Variants in KLK10 observed in about 807,000 individuals in gnomAD.
The protein encoded by KLK10 is kallikrein-10.
KLK10 carries 27 observed loss-of-function variants against 25.7 expected under a neutral mutation model. That is an observed-to-expected ratio of 1.05 (90% CI 0.77 to 1.45). The LOEUF is 1.45. KLK10 is among the 40% of genes most tolerant of loss of function. The pLI is 0.00. For missense variants in KLK10, 386 were observed against 370.0 expected, an observed-to-expected ratio of 1.04 and a Z score of -0.35; for synonymous variants, 173 against 160.1, an observed-to-expected ratio of 1.08 and a Z score of -0.61.
chr19:51,016,912 C>T (rs574504987), intron 3 of KLK10, among the ~76,000 whole-genome samples, 198 bp downstream of exon 3: 7 of 152,212 alleles, frequency 4.6e-5, no homozygotes, highest in East Asian at 1.9e-4. Flanking sequence ...AGAGGAGTGA[C>T]GGGCCCAGAA....
Position 51,014,790 on chromosome 19 carries a change from AGCATCTGGATCAGTTGGAGCG to A in KLK10, c.820_*9del. The stretch of plus-strand genomic sequence containing the variant: ...ATAACATCTGGATCAGCTGGAGCGT[AGCATCTGGATCAGTTGGAGCG>A]TATGACTTTATTGATCCAGGACATG... On this transcript the variant is annotated stop_lost and 3_prime_UTR_variant, in exon 6 of 6. Coordinates refer to ENST00000358789, the MANE Select transcript of KLK10 (RefSeq NM_145888.3). 1 of 1,575,454 alleles carries A rather than the reference AGCATCTGGATCAGTTGGAGCG, an allele frequency of 6.3e-7. No individual in the cohort carries two copies. The highest frequency in any genetic ancestry group is 1.1e-5 in the South Asian group (1 of 87,306).
chr19:51,015,861 C>T, intron 4 of KLK10, 21 bp downstream of exon 4: 1 of 1,502,528 alleles, frequency 6.7e-7, no homozygotes, highest in Non-Finnish European at 8.9e-7. Flanking sequence ...GAGGTTCCGG[C>T]CTCAGAGCCC....
rs35154267 is a variant in KLK10, at chr19:51,018,164, C to CAAAA, written c.88+875_89-875dup. Among the ~76,000 whole-genome samples the CAAAA allele has an allele frequency of 2.9e-3, 106 of 36,432 alleles. 1 individual carries two copies. Among genetic ancestry groups the CAAAA allele is most frequent in the African/African-American group, 7.6e-3 (55 of 7,240 alleles). The allele number at this position is 36,432 out of a possible 152,430, so 23.9% of individuals were successfully genotyped here. A position where few individuals can be genotyped will look rare whatever the true frequency, so the allele number is the denominator to read the frequency against. On this transcript the variant is annotated intron_variant, in intron 2 of 5. Coordinates refer to ENST00000358789, the MANE Select transcript of KLK10 (RefSeq NM_145888.3). Reference sequence around the variant, plus strand: ...ACGGAGACAGAGCACTGCCCTGTCTCAAAAAAAAAAAAAAAAAAAAAAGAA... The same window carrying CAAAA: ...ACGGAGACAGAGCACTGCCCTGTCTCAAAAAAAAAAAAAAAAAAAAAAAAAAGAA...
chr19:51,014,618 T>C lies in KLK10; in HGVS notation c.*182A>G. Reference sequence around the variant, plus strand: ...CTTCAGTACAGGCAGAGAATGGGGATAGGTGGGGGAATGAGGTGAGAGGGG... The same window carrying C: ...CTTCAGTACAGGCAGAGAATGGGGACAGGTGGGGGAATGAGGTGAGAGGGG... On this transcript the variant is annotated 3_prime_UTR_variant, in exon 6 of 6. Coordinates refer to ENST00000358789, the MANE Select transcript of KLK10 (RefSeq NM_145888.3). 1 of 529,514 alleles carries C rather than the reference T, an allele frequency of 1.9e-6. No homozygotes were observed. The allele number at this position is 529,514 out of a possible 1,614,324, so 32.8% of individuals were successfully genotyped here.
At chr19:51,015,783 C>A (rs2091318197) in intron 4 of KLK10, 99 bp downstream of exon 4, 6 of 1,280,794 alleles carry the variant, frequency 4.7e-6, no homozygotes, top group African/African-American at 1.5e-5. Flanking sequence ...TCCCTCAGAT[C>A]CAGGAATCCA....
chr19:51,016,811 C>G (rs771163701), intron 3 of KLK10, among the ~76,000 whole-genome samples: 1 of 152,094 alleles, frequency 6.6e-6, no homozygotes, highest in Non-Finnish European at 1.5e-5. Context: ...GAACCTTTTC[C>G]TTTAGTTCTA....
At position 51,016,136 on chromosome 19, in the gene KLK10, C is replaced by A; in HGVS notation, c.290G>T (p.Gly97Val). 1 of 1,585,522 alleles carries A rather than the reference C, an allele frequency of 6.3e-7. No homozygotes were observed. Among genetic ancestry groups the A allele is most frequent in the Non-Finnish European group, 8.6e-7 (1 of 1,165,918 alleles). Reference protein sequence around the residue: ...CGNKPLWARVGDDHLLLLQGE... With the variant: ...CGNKPLWARVVDDHLLLLQGE... ...CTGAAGAAGCAGCAGGTGGTCATCCCCTACTCGAGCCCACAGTGGCCTGGG... is the reference window on the plus strand; with the variant it reads ...CTGAAGAAGCAGCAGGTGGTCATCCACTACTCGAGCCCACAGTGGCCTGGG... Residue 97 changes from glycine (G) to valine (V), a missense_variant, in exon 4 of 6, where the codon GGG becomes GTG. Transcript: ENST00000358789.
At chr19:51,018,985 C>A in intron 2 of KLK10, 58 bp downstream of exon 2, 1 of 1,259,612 alleles carries the variant, frequency 7.9e-7, no homozygotes, top group Admixed American at 2.0e-5. Flanking sequence ...GGAACACATT[C>A]TCCTCCCGCC....
At chr19:51,017,372 T>G in intron 2 of KLK10, 82 bp from the exon 3 acceptor site, 1 of 1,308,998 alleles carries the variant, frequency 7.6e-7, no homozygotes, top group Non-Finnish European at 1.0e-6. Flanking sequence ...GGCACTGGAC[T>G]GCGTTCGGGG....
In KLK10 at chr19:51,019,090, G is replaced by C. The variant is rs1391486197; in HGVS notation, c.41C>G (p.Ala14Gly). The change falls in exon 2 of 6, where the codon GCC becomes GGC. Residue 14 changes from alanine to glycine, a missense_variant. Coordinates refer to ENST00000358789, the MANE Select transcript of KLK10 (RefSeq NM_145888.3). This position sits in a 1 kb window ranked among gnomAD's most constrained non-coding sequence, Gnocchi z 4.2. ...PHLHLSAASG[A>G]RALAKLLPLL... The stretch of plus-strand genomic sequence containing the variant: ...CGGCAGCAGCTTCGCCAGAGCCCGG[G>C]CGCCAGAGGCGGCGGAGAGGTGGAG... 6.2e-7 allele frequency: 1 copy of C among 1,609,092 alleles called. No individual in the cohort carries two copies. The highest frequency in any genetic ancestry group is 8.5e-7 in the Non-Finnish European group (1 of 1,179,602).
In KLK10 at chr19:51,014,731, G is replaced by A. The variant is rs1424458845; in HGVS notation, c.*69C>T. Reference sequence around the variant, plus strand: ...CCGACTGGGGAGGAAGAGGATGGACGATGGAGCCTCTGGGCATCTGGATCA... The same window carrying A: ...CCGACTGGGGAGGAAGAGGATGGACAATGGAGCCTCTGGGCATCTGGATCA... On this transcript the variant is annotated 3_prime_UTR_variant, in exon 6 of 6. Transcript: ENST00000358789. 1.8e-5 allele frequency: 28 copies of A among 1,531,282 alleles called. No homozygotes were observed. In the Admixed American group the frequency reaches 2.4e-4, roughly 13 times the overall value. 94.9% of individuals were successfully genotyped at this position (1,531,282 alleles called of 1,614,324 possible).
Position 51,014,698 on chromosome 19 carries a change from G to A in KLK10, c.*102C>T. ...GGTTTGAACAGTGCAGACAAGGGGA[G>A]AGTTCAGCCGACTGGGGAGGAAGAG... On this transcript the variant is annotated 3_prime_UTR_variant, in exon 6 of 6. Transcript: ENST00000358789. The A allele has an allele frequency of 8.2e-7, 1 of 1,220,162 alleles. No individual in the cohort carries two copies. Among genetic ancestry groups the A allele is most frequent in the Non-Finnish European group, 1.2e-6 (1 of 842,928 alleles). The allele number at this position is 1,220,162 out of a possible 1,614,324, so 75.6% of individuals were successfully genotyped here. A position where few individuals can be genotyped will look rare whatever the true frequency, so the allele number is the denominator to read the frequency against.
intron 2 of KLK10, among the ~76,000 whole-genome samples, chr19:51,017,792 C>T (rs1032998247): frequency 2.0e-5 from 3 of 150,998 alleles, no homozygotes; most frequent in African/African-American, 4.9e-5. Flanking sequence ...AAGACCAGCC[C>T]GGGCAACACA....
chr19:51,016,943 G>C (rs917270828), intron 3 of KLK10, among the ~76,000 whole-genome samples, 167 bp downstream of exon 3: 3 of 152,128 alleles, frequency 2.0e-5, no homozygotes, highest in African/African-American at 7.2e-5. Flanking sequence ...GGACCACACC[G>C]CCCCCTGGCG....
At position 51,014,717 on chromosome 19, in the gene KLK10, G is replaced by T; in HGVS notation, c.*83C>A. 1.4e-6 allele frequency: 2 copies of T among 1,441,712 alleles called. No individual in the cohort carries two copies. Among genetic ancestry groups the T allele is most frequent in the Non-Finnish European group, 1.9e-6 (2 of 1,038,034 alleles). 89.3% of individuals were successfully genotyped at this position (1,441,712 alleles called of 1,614,324 possible). A position where few individuals can be genotyped will look rare whatever the true frequency, so the allele number is the denominator to read the frequency against. ...AGGGGAGAGTTCAGCCGACTGGGGA[G>T]GAAGAGGATGGACGATGGAGCCTCT... On this transcript the variant is annotated 3_prime_UTR_variant, in exon 6 of 6. Transcript: ENST00000358789.
At chr19:51,018,819 C>A in intron 2 of KLK10, 1 of 584,250 alleles carries the variant, frequency 1.7e-6, no homozygotes, top group Non-Finnish European at 3.1e-6. Flanking sequence ...GAGCGAGGAT[C>A]CGGGTGGCAG....
chr19:51,018,164 C>CAAAAAAAAAAAAAAAAA lies in KLK10; in HGVS notation c.88+862_89-875dup, dbSNP rs35154267. ...ACGGAGACAGAGCACTGCCCTGTCT[C>CAAAAAAAAAAAAAAAAA]AAAAAAAAAAAAAAAAAAAAAAGAA... On this transcript the variant is annotated intron_variant, in intron 2 of 5. Transcript: ENST00000358789. Among the ~76,000 whole-genome samples, 90 of 36,436 alleles carry CAAAAAAAAAAAAAAAAA rather than the reference C, an allele frequency of 2.5e-3. 1 individual carries two copies. The highest frequency in any genetic ancestry group is 2.8e-3 in the Non-Finnish European group (63 of 22,616). 23.9% of individuals were successfully genotyped at this position (36,436 alleles called of 152,430 possible).
chr19:51,016,883 C>G (rs1260257320), intron 3 of KLK10, among the ~76,000 whole-genome samples: 4 of 152,194 alleles, frequency 2.6e-5, no homozygotes, highest in African/African-American at 9.6e-5. Context: ...CCTCCTAGAG[C>G]TCAAGGAGAA....
At position 51,015,569 on chromosome 19, in the gene KLK10, A is replaced by G; in HGVS notation, c.545-19T>C. The stretch of plus-strand genomic sequence containing the variant: ...TACTTCACTGAAGGGAGAATATGCC[A>G]GTAATCCCTGGGTCCAGCCCCCAAT... On this transcript the variant is annotated intron_variant, in intron 4 of 5. Coordinates refer to ENST00000358789, the MANE Select transcript of KLK10 (RefSeq NM_145888.3). 6.2e-7 allele frequency: 1 copy of G among 1,611,480 alleles called. No individual in the cohort carries two copies. Among genetic ancestry groups the G allele is most frequent in the East Asian group, 2.2e-5 (1 of 44,768 alleles).
Sources: allele counts gnomAD v4.1 joint callset (sites outside exome capture counted in the v4.1 genomes callset), GRCh38; gene constraint gnomAD v4.1.1; non-coding constraint Gnocchi (gnomAD v3.1); transcripts MANE v1.5; gene names NCBI Gene and HGNC (gene_info 2026-07-23, HGNC 2026-07-21).